SLC35F4: variants seen among roughly 807,000 people sequenced by gnomAD.
The protein encoded by SLC35F4 is chromosome 14 open reading frame 36.
SLC35F4 carries 24 observed loss-of-function variants against 44.2 expected under a neutral mutation model. The observed-to-expected ratio is 0.54, with a 90% CI of 0.39 to 0.76. SLC35F4 has a LOEUF of 0.76. Ranked by LOEUF, SLC35F4 falls within the 30% of genes least tolerant of loss-of-function variation. SLC35F4 has a pLI of 0.00. For missense variants in SLC35F4, 562 were observed against 586.1 expected (o/e 0.96, Z 0.42); for synonymous variants, 238 against 223.6 (o/e 1.06, Z -0.57).
intron 1 of SLC35F4, among the ~76,000 whole-genome samples, chr14:57,846,875 A>C (rs976217293): frequency 1.3e-5 from 2 of 152,090 alleles, no homozygotes; most frequent in African/African-American, 4.8e-5. Context: ...CTCCAAACAG[A>C]CTCTTGCAAC....
At position 57,920,282 on chromosome 14, in the gene SLC35F4, C is replaced by T. The variant is rs181135632; in HGVS notation, n.282+61631G>A. Among the ~76,000 whole-genome samples the T allele has an allele frequency of 1.9e-3, 293 of 152,260 alleles. 2 individuals carry two copies. The highest frequency in any genetic ancestry group is 6.1e-3 in the African/African-American group (252 of 41,552). ...GATATGAAACATTAATAAGAATATACATAAAAATCAGGCCAGTTGCAGTGG... is the reference window on the plus strand; with the variant it reads ...GATATGAAACATTAATAAGAATATATATAAAAATCAGGCCAGTTGCAGTGG... On this transcript the variant is annotated intron_variant and non_coding_transcript_variant, in intron 1 of 1. Coordinates refer to the SLC35F4 transcript ENST00000556568.
chr14:57,822,030 T>A (rs1176116029), intron 1 of SLC35F4, among the ~76,000 whole-genome samples: 1 of 152,178 alleles, frequency 6.6e-6, no homozygotes, highest in Non-Finnish European at 1.5e-5. Context: ...TTGACTTCCC[T>A]TGCCCTACTA....
chr14:57,915,694 G>A (rs914071558), intron 1 of SLC35F4, among the ~76,000 whole-genome samples: 1 of 152,142 alleles, frequency 6.6e-6, no homozygotes, highest in Non-Finnish European at 1.5e-5. Flanking sequence ...TTACTTGAGT[G>A]TTCAGTACCT....
At chr14:57,661,466 G>T (rs1165190724) in intron 1 of SLC35F4, among the ~76,000 whole-genome samples, 3 of 152,092 alleles carry the variant, frequency 2.0e-5, no homozygotes, top group Non-Finnish European at 4.4e-5. Flanking sequence ...TTGACTTTAG[G>T]TTCTACTTCC....
At chr14:57,637,862 C>A (rs2073075466) in intron 1 of SLC35F4, among the ~76,000 whole-genome samples, 2 of 152,064 alleles carry the variant, frequency 1.3e-5, no homozygotes, top group Non-Finnish European at 2.9e-5. Flanking sequence ...AAAACTGAGT[C>A]TTGGCCATGA....
intron 1 of SLC35F4, among the ~76,000 whole-genome samples, chr14:57,925,752 A>C (rs1476225275): frequency 1.3e-5 from 2 of 151,980 alleles, no homozygotes; most frequent in African/African-American, 4.8e-5. Context: ...TTGTTATTAT[A>C]ACACTTACAT....
rs535349941 is a variant in SLC35F4, at chr14:57,919,394, A to G, written n.282+62519T>C. On this transcript the variant is annotated intron_variant and non_coding_transcript_variant, in intron 1 of 1. Coordinates refer to the SLC35F4 transcript ENST00000556568. ...TAACTTGCGACACTTCAAAGGAAAA[A>G]GCAGTTAGGGAAAGGGTTTTAAGGA... Among the ~76,000 whole-genome samples the G allele has an allele frequency of 1.4e-4, 22 of 152,340 alleles. No individual in the cohort carries two copies. The South Asian group carries it at 4.6e-3, about 32-fold the overall frequency.
At chr14:57,623,226 T>C (rs547641564) in intron 1 of SLC35F4, among the ~76,000 whole-genome samples, 41 of 152,286 alleles carry the variant, frequency 2.7e-4, no homozygotes, top group Non-Finnish European at 5.4e-4. Flanking sequence ...GGGCATTACA[T>C]AATGGTAAAG....
intron 1 of SLC35F4, among the ~76,000 whole-genome samples, chr14:57,618,731 A>C (rs1703454): frequency 0.61 from 92,592 of 152,168 alleles, 30,511 homozygotes; most frequent in Non-Finnish European, 0.74. Context: ...GCCAGGGAGC[A>C]AAGTGGTCTG....
chr14:57,666,956 A>ACAGATGCTGGTGAGGAT (rs1191390561), intron 1 of SLC35F4, among the ~76,000 whole-genome samples: 3 of 152,112 alleles, frequency 2.0e-5, no homozygotes, highest in African/African-American at 7.2e-5. Flanking sequence ...AGAAAGGCCA[A>ACAGATGCTGGTGAGGAT]ATGCACGGAG....
At chr14:57,972,063 C>T (rs1178922872), downstream of SLC35F4, among the ~76,000 whole-genome samples, 1 of 152,030 alleles carries the variant, frequency 6.6e-6, no homozygotes, top group African/African-American at 2.4e-5. Flanking sequence ...AGGAACATTA[C>T]AGGCAAAGGA....
At chr14:57,973,157 T>C (rs1881102422), downstream of SLC35F4, among the ~76,000 whole-genome samples, 1 of 152,360 alleles carries the variant, frequency 6.6e-6, no homozygotes, top group East Asian at 1.9e-4. Flanking sequence ...GGCTCCTTGA[T>C]GCCCACAGCT....
chr14:57,682,556 G>T (rs2074940998), intron 1 of SLC35F4, among the ~76,000 whole-genome samples: 1 of 151,626 alleles, frequency 6.6e-6, no homozygotes, highest in African/African-American at 2.4e-5. Context: ...ATTGATGGGT[G>T]CAACAAACTA....
At chr14:57,931,202 C>T (rs1889690466) in intron 1 of SLC35F4, among the ~76,000 whole-genome samples, 1 of 152,190 alleles carries the variant, frequency 6.6e-6, no homozygotes, top group African/African-American at 2.4e-5. Flanking sequence ...AATGCCACTT[C>T]TAGTACACTT....
At chr14:57,878,126 A>T (rs1888440780) in intron 1 of SLC35F4, among the ~76,000 whole-genome samples, 1 of 152,058 alleles carries the variant, frequency 6.6e-6, no homozygotes, top group African/African-American at 2.4e-5. Context: ...TCTTTTGAGA[A>T]ATGCCTGTTC....
intron 1 of SLC35F4, among the ~76,000 whole-genome samples, chr14:57,797,575 A>G (rs2078083361): frequency 6.6e-6 from 1 of 152,078 alleles, no homozygotes; most frequent in Non-Finnish European, 1.5e-5. Context: ...CAGCTCAAAC[A>G]GTCTATGAAA....
chr14:57,827,268 G>A (rs750283464), intron 1 of SLC35F4, among the ~76,000 whole-genome samples: 4 of 152,240 alleles, frequency 2.6e-5, no homozygotes, highest in Middle Eastern at 3.4e-3. Context: ...ACAGGAAAAC[G>A]AATATTGCAT....
chr14:57,851,135 A>G (rs1049019896), intron 1 of SLC35F4, among the ~76,000 whole-genome samples: 1 of 152,182 alleles, frequency 6.6e-6, no homozygotes, highest in Non-Finnish European at 1.5e-5. Flanking sequence ...CCACTGCAAA[A>G]TTTTAGCTTT....
At chr14:57,828,879 A>G (rs1302156095) in intron 1 of SLC35F4, among the ~76,000 whole-genome samples, 2 of 152,220 alleles carry the variant, frequency 1.3e-5, no homozygotes, top group African/African-American at 4.8e-5. Flanking sequence ...TGCAACAACA[A>G]TAATAATTTC....
Sources: allele counts gnomAD v4.1 joint callset (sites outside exome capture counted in the v4.1 genomes callset), GRCh38; gene constraint gnomAD v4.1.1; transcripts MANE v1.5; gene names NCBI Gene and HGNC (gene_info 2026-07-23, HGNC 2026-07-21).